The following CDC73 variants were observed in gnomAD, a reference collection of about 807,000 sequenced individuals.
The protein encoded by CDC73 is cell division cycle 73, also known as parafibromin.
Under a neutral mutation model 83.7 loss-of-function variants are expected in CDC73, and 21 were observed. That is an observed-to-expected ratio of 0.25 (90% CI 0.18 to 0.36). CDC73 has a LOEUF of 0.36. Ranked by LOEUF, CDC73 falls within the 10% of genes least tolerant of loss-of-function variation. CDC73 has a pLI of 1.00. For synonymous variants in CDC73, 224 were observed against 212.9 expected, an observed-to-expected ratio of 1.05 and a Z score of -0.45; for missense variants, 342 against 653.3, an observed-to-expected ratio of 0.52 and a Z score of 5.19.
chr1:193,242,930 A>C (rs188938427), intron 15 of CDC73, among the ~76,000 whole-genome samples: 2 of 149,634 alleles, frequency 1.3e-5, no homozygotes, highest in African/African-American at 4.9e-5. Flanking sequence ...AAAGAACTTT[A>C]TTTCTTTTTC....
chr1:193,238,377 T>G (rs993873955), intron 15 of CDC73, among the ~76,000 whole-genome samples: 2 of 152,212 alleles, frequency 1.3e-5, no homozygotes, highest in African/African-American at 4.8e-5. Flanking sequence ...TTTCTGTTCA[T>G]ATCCCCTGTA....
chr1:193,144,815 CTTTTT>C (rs34816338), intron 7 of CDC73, among the ~76,000 whole-genome samples: 1 of 139,204 alleles, frequency 7.2e-6, no homozygotes, highest in Non-Finnish European at 1.6e-5. Flanking sequence ...ATTTGGCAGA[CTTTTT>C]TTTTTTTTTT....
At chr1:193,162,170 AAT>A (rs1194111024) in intron 10 of CDC73, among the ~76,000 whole-genome samples, 1 of 98,194 alleles carries the variant, frequency 1.0e-5, no homozygotes, top group Non-Finnish European at 1.8e-5. Context: ...TATTGTATAT[AAT>A]ATATATTATA....
intron 13 of CDC73, among the ~76,000 whole-genome samples, chr1:193,231,536 T>A (rs998568524): frequency 3.9e-5 from 6 of 152,228 alleles, no homozygotes; most frequent in Admixed American, 3.9e-4. Flanking sequence ...TGTTTCATTA[T>A]TCAAAGTATT....
chr1:193,160,752 T>A (rs1166392288), intron 10 of CDC73, among the ~76,000 whole-genome samples: 1 of 152,114 alleles, frequency 6.6e-6, no homozygotes, highest in Non-Finnish European at 1.5e-5. Context: ...AATATTAATC[T>A]TTAATGTCCC....
At chr1:193,185,286 AT>A in intron 10 of CDC73, among the ~76,000 whole-genome samples, 1 of 152,196 alleles carries the variant, frequency 6.6e-6, no homozygotes, top group South Asian at 2.1e-4. Context: ...AAAATAGTTA[AT>A]TTTTAAAGCC....
At chr1:193,209,303 A>G (rs918847192) in intron 11 of CDC73, among the ~76,000 whole-genome samples, 2 of 152,240 alleles carry the variant, frequency 1.3e-5, no homozygotes, top group Admixed American at 6.5e-5. Flanking sequence ...GTTAGCATCT[A>G]CTGTAGTTGC....
At chr1:193,142,576 G>A (rs997604498) in intron 7 of CDC73, among the ~76,000 whole-genome samples, 4 of 151,962 alleles carry the variant, frequency 2.6e-5, no homozygotes, top group South Asian at 4.2e-4. Flanking sequence ...TTGCTCCAAA[G>A]ATTGTGCAGT....
At chr1:193,195,263 T>C (rs940104719) in intron 10 of CDC73, among the ~76,000 whole-genome samples, 8 of 152,168 alleles carry the variant, frequency 5.3e-5, no homozygotes, top group African/African-American at 1.9e-4. Flanking sequence ...CACAGAATTT[T>C]TTTTTTGTCC....
At chr1:193,195,812 T>C (rs1462481390) in intron 10 of CDC73, among the ~76,000 whole-genome samples, 1 of 152,172 alleles carries the variant, frequency 6.6e-6, no homozygotes, top group Admixed American at 6.5e-5. Context: ...TCTGGAGAAA[T>C]ACCTATTCAA....
At chr1:193,161,633 TA>T (rs5779665) in intron 10 of CDC73, among the ~76,000 whole-genome samples, 8,489 of 20,752 alleles carry the variant, frequency 0.41, 2,903 homozygotes, top group South Asian at 0.49. Flanking sequence ...GATAGATATA[TA>T]ATATATTATA....
intron 15 of CDC73, among the ~76,000 whole-genome samples, chr1:193,239,198 C>A (rs1171111589): frequency 6.6e-6 from 1 of 152,170 alleles, no homozygotes; most frequent in African/African-American, 2.4e-5. Context: ...GTTTTACTCT[C>A]TTCCTTATTC....
intron 13 of CDC73, among the ~76,000 whole-genome samples, chr1:193,221,954 A>G (rs987998119): frequency 7.2e-5 from 11 of 152,148 alleles, no homozygotes; most frequent in Middle Eastern, 3.2e-3. Context: ...GAAATATCCA[A>G]CTTGCAAATA....
At chr1:193,236,974 G>C (rs183681881) in intron 15 of CDC73, 18 of 147,754 alleles carry the variant, frequency 1.2e-4, no homozygotes, top group African/African-American at 4.5e-4. Context: ...GACGGAGTCT[G>C]GCTCTGTCGC....
intron 2 of CDC73, among the ~76,000 whole-genome samples, chr1:193,129,171 T>C (rs1487685473): frequency 1.3e-5 from 2 of 151,840 alleles, no homozygotes; most frequent in Non-Finnish European, 2.9e-5. Flanking sequence ...CTAATTTTTG[T>C]AGTTTTAGTA....
intron 13 of CDC73, among the ~76,000 whole-genome samples, chr1:193,226,017 C>T (rs1183256376): frequency 6.6e-6 from 1 of 152,086 alleles, no homozygotes; most frequent in East Asian, 1.9e-4. Flanking sequence ...GTGTTATCTT[C>T]TAGAATTTTT....
intron 3 of CDC73, among the ~76,000 whole-genome samples, chr1:193,133,905 AG>A (rs776183664): frequency 8.7e-4 from 130 of 149,984 alleles, no homozygotes; most frequent in South Asian, 2.1e-3. Context: ...ATACGGAGAT[AG>A]GATTTTTTTT....
chr1:193,142,787 C>T (rs189664622), intron 7 of CDC73, among the ~76,000 whole-genome samples: 258 of 152,234 alleles, frequency 1.7e-3, no homozygotes, highest in African/African-American at 5.7e-3. Flanking sequence ...AAACAAATTG[C>T]TGGTTAAAGG....
intron 10 of CDC73, chr1:193,180,712 C>A (rs371231651): frequency 4.3e-6 from 7 of 1,613,922 alleles, no homozygotes; most frequent in Non-Finnish European, 5.9e-6. Flanking sequence ...TGCATATCCT[C>A]GCATTAGGTA....
Sources: allele counts gnomAD v4.1 joint callset (sites outside exome capture counted in the v4.1 genomes callset), GRCh38; gene constraint gnomAD v4.1.1; transcripts MANE v1.5; gene names NCBI Gene and HGNC (gene_info 2026-07-23, HGNC 2026-07-21).